KAT6B: variants seen among roughly 807,000 people sequenced by gnomAD.
KAT6B encodes histone acetyltransferase KAT6B.
Under a neutral mutation model 187.5 loss-of-function variants are expected in KAT6B, and 10 were observed. The observed-to-expected ratio is 0.05, with a 90% CI of 0.03 to 0.09. The LOEUF (loss-of-function observed/expected upper bound fraction) is 0.09. KAT6B is among the 10% of genes least tolerant of loss of function. KAT6B has a pLI of 1.00. For missense variants in KAT6B, 1,952 were observed against 2,558.9 expected, an observed-to-expected ratio of 0.76 and a Z score of 5.12; for synonymous variants, 861 against 926.8, an observed-to-expected ratio of 0.93 and a Z score of 1.29.
intron 3 of KAT6B, among the ~76,000 whole-genome samples, chr10:74,875,225 T>G (rs1844326101): frequency 6.6e-6 from 1 of 152,184 alleles, no homozygotes; most frequent in Non-Finnish European, 1.5e-5. Context: ...AATAAGATCT[T>G]GTTGTTTGTG....
intron 13 of KAT6B, among the ~76,000 whole-genome samples, chr10:74,989,650 G>A (rs1238757986): frequency 6.6e-6 from 1 of 152,052 alleles, no homozygotes; most frequent in Non-Finnish European, 1.5e-5. Flanking sequence ...TTTGTATCTA[G>A]AGGTTTCCCA....
chr10:74,990,936 T>A (rs868791264), intron 13 of KAT6B, among the ~76,000 whole-genome samples: 1 of 152,248 alleles, frequency 6.6e-6, no homozygotes, highest in African/African-American at 2.4e-5. Flanking sequence ...TCAAATAGTC[T>A]GAGCATGGTC....
At chr10:75,011,644 G>A (rs1408566158) in intron 13 of KAT6B, among the ~76,000 whole-genome samples, 2 of 152,138 alleles carry the variant, frequency 1.3e-5, no homozygotes, top group Non-Finnish European at 2.9e-5. Context: ...TTTTATCTGT[G>A]TGGCAGGTGC....
chr10:74,831,727 G>A (rs1346799495), intron 1 of KAT6B, among the ~76,000 whole-genome samples: 1 of 152,156 alleles, frequency 6.6e-6, no homozygotes, highest in Non-Finnish European at 1.5e-5. Flanking sequence ...CCTGCTATGT[G>A]TCTGCCATCA....
intron 7 of KAT6B, among the ~76,000 whole-genome samples, chr10:74,974,137 T>C (rs1375592689): frequency 6.6e-6 from 1 of 152,202 alleles, no homozygotes; most frequent in Non-Finnish European, 1.5e-5. Context: ...TTGGTAACTC[T>C]CACTGTGTCT....
chr10:74,873,187 A>G (rs868573737), intron 3 of KAT6B, among the ~76,000 whole-genome samples: 3 of 151,938 alleles, frequency 2.0e-5, no homozygotes, highest in Admixed American at 6.6e-5. Flanking sequence ...TTGCCCAGGC[A>G]TGGTGGCTCA....
At chr10:75,015,700 A>T (rs1844931700) in intron 13 of KAT6B, among the ~76,000 whole-genome samples, 1 of 152,204 alleles carries the variant, frequency 6.6e-6, no homozygotes. Context: ...CCGTCGACTG[A>T]TACAGACCTT....
At chr10:74,977,567 G>C in intron 9 of KAT6B, 130 bp downstream of exon 9, 1 of 1,169,706 alleles carries the variant, frequency 8.5e-7, no homozygotes. Context: ...CCGTTATCAT[G>C]CCCATTTCTA....
At position 75,004,111 on chromosome 10, in the gene KAT6B, G is replaced by T. The variant is rs1161714771; in HGVS notation, c.2629+14999G>T. Reference sequence around the variant, plus strand: ...CTGTTTGGATTTCTAACGTTGACTGGCATTTGCATTGAGTTATTTTGAAAT... The same window carrying T: ...CTGTTTGGATTTCTAACGTTGACTGTCATTTGCATTGAGTTATTTTGAAAT... On this transcript the variant is annotated intron_variant, in intron 13 of 17. Transcript: ENST00000287239. Among the ~76,000 whole-genome samples the T allele has an allele frequency of 2.0e-5, 3 of 151,786 alleles. No homozygotes were observed. The East Asian group carries it at 5.8e-4, about 29-fold the overall frequency.
chr10:75,010,055 A>G (rs1181808692), intron 13 of KAT6B, among the ~76,000 whole-genome samples: 1 of 152,230 alleles, frequency 6.6e-6, no homozygotes, highest in African/African-American at 2.4e-5. Context: ...CAAACCAGCC[A>G]GTCACTTGTC....
At chr10:74,940,274 T>TC (rs957365057) in intron 3 of KAT6B, among the ~76,000 whole-genome samples, 6 of 150,730 alleles carry the variant, frequency 4.0e-5, no homozygotes, top group African/African-American at 1.2e-4. Flanking sequence ...TACATATTTT[T>TC]CCCCTTTTTT....
intron 3 of KAT6B, among the ~76,000 whole-genome samples, chr10:74,878,061 A>G (rs781412701): frequency 6.6e-6 from 1 of 152,216 alleles, no homozygotes; most frequent in Non-Finnish European, 1.5e-5. Flanking sequence ...GCCCACAGAA[A>G]GGGATGGCAT....
intron 14 of KAT6B, 152 bp downstream of exon 14, chr10:75,020,965 C>A: frequency 1.0e-6 from 1 of 996,826 alleles, no homozygotes; most frequent in Non-Finnish European, 1.6e-6. Context: ...TGAAATGACA[C>A]TTTTTTACTG....
At chr10:74,875,388 AG>A (rs1237862711) in intron 3 of KAT6B, among the ~76,000 whole-genome samples, 2 of 152,112 alleles carry the variant, frequency 1.3e-5, no homozygotes, top group African/African-American at 2.4e-5. Flanking sequence ...TTGAATAGTG[AG>A]GGGACCTCAT....
chr10:74,986,580 A>C (rs549661196), intron 12 of KAT6B, among the ~76,000 whole-genome samples: 1 of 152,368 alleles, frequency 6.6e-6, no homozygotes, highest in African/African-American at 2.4e-5. Context: ...CATTCATGGA[A>C]AACTGTCTCA....
At chr10:75,002,519 G>A (rs1453605932) in intron 13 of KAT6B, among the ~76,000 whole-genome samples, 6 of 152,194 alleles carry the variant, frequency 3.9e-5, no homozygotes, top group Middle Eastern at 3.4e-3. Context: ...CTTCATTGTC[G>A]TGTGAACATC....
intron 3 of KAT6B, among the ~76,000 whole-genome samples, chr10:74,942,168 G>A (rs1021860443): frequency 1.3e-5 from 2 of 152,026 alleles, no homozygotes; most frequent in East Asian, 1.9e-4. Flanking sequence ...AAATAAAAAC[G>A]AAACAAAGAC....
intron 3 of KAT6B, among the ~76,000 whole-genome samples, chr10:74,906,748 T>C (rs527605984): frequency 1.3e-5 from 2 of 152,322 alleles, no homozygotes; most frequent in East Asian, 3.9e-4. Context: ...TGGTTTACAG[T>C]CTTGGCTTCA....
intron 3 of KAT6B, among the ~76,000 whole-genome samples, chr10:74,887,986 G>GA (rs1262786209): frequency 6.0e-4 from 91 of 151,002 alleles, no homozygotes; most frequent in African/African-American, 2.0e-3. Flanking sequence ...ATCCTGTCTG[G>GA]AAAAAAAAAG....
Sources: allele counts gnomAD v4.1 joint callset (sites outside exome capture counted in the v4.1 genomes callset), GRCh38; gene constraint gnomAD v4.1.1; transcripts MANE v1.5; gene names NCBI Gene and HGNC (gene_info 2026-07-23, HGNC 2026-07-21).